SCOC: variants seen among roughly 807,000 people sequenced by gnomAD.
SCOC encodes short coiled-coil protein, also known as short coiled coil protein.
In SCOC, 7 loss-of-function variants were observed where a neutral mutation model predicts 9.9. That is an observed-to-expected ratio of 0.71 (90% CI 0.40 to 1.33). The LOEUF (loss-of-function observed/expected upper bound fraction) is 1.33, where lower values mean the gene tolerates loss of function less well. SCOC is among the 40% of genes most tolerant of loss of function. The pLI is 0.01. For missense variants in SCOC, 66 were observed against 89.7 expected (o/e 0.74, Z 1.07); for synonymous variants, 19 against 28.2 (o/e 0.67, Z 1.03).
chr4:140,343,543 C>A, intron 1 of SCOC: 1 of 887,760 alleles, frequency 1.1e-6, no homozygotes, highest in Non-Finnish European at 1.8e-6. Flanking sequence ...CTTGGAAGTT[C>A]ACTGATTAAT....
chr4:140,274,004 T>C (rs1231756169), intron 1 of SCOC, among the ~76,000 whole-genome samples: 1 of 152,374 alleles, frequency 6.6e-6, no homozygotes, highest in Admixed American at 6.5e-5. Flanking sequence ...TGCAGACATC[T>C]GTTTTCTATG....
At chr4:140,287,029 A>T (rs551634733) in intron 1 of SCOC, among the ~76,000 whole-genome samples, 1 of 151,756 alleles carries the variant, frequency 6.6e-6, no homozygotes. Flanking sequence ...TATACCACAC[A>T]TGTGTACACA....
chr4:140,371,121 G>A (rs1179925468), upstream of SCOC, among the ~76,000 whole-genome samples: 2 of 151,934 alleles, frequency 1.3e-5, no homozygotes, highest in African/African-American at 2.4e-5. Context: ...TCCTGACCTC[G>A]TGATCCACCC....
intron 1 of SCOC, among the ~76,000 whole-genome samples, chr4:140,321,389 A>G (rs966578687): frequency 1.7e-4 from 26 of 152,326 alleles, no homozygotes; most frequent in African/African-American, 6.0e-4. Flanking sequence ...GATTTATCAG[A>G]CAGGGAATTT....
chr4:140,270,137 T>A, intron 1 of SCOC, among the ~76,000 whole-genome samples: 1 of 152,172 alleles, frequency 6.6e-6, no homozygotes, highest in South Asian at 2.1e-4. Flanking sequence ...ATTGAGTGCC[T>A]GCTGCAAGCC....
chr4:140,329,012 A>G (rs1732731457), intron 1 of SCOC, among the ~76,000 whole-genome samples: 1 of 152,230 alleles, frequency 6.6e-6, no homozygotes, highest in African/African-American at 2.4e-5. Flanking sequence ...AGCAAAAACA[A>G]CAAATCTGAA....
At chr4:140,319,579 C>T (rs6849404) in intron 1 of SCOC, among the ~76,000 whole-genome samples, 5 of 152,044 alleles carry the variant, frequency 3.3e-5, no homozygotes, top group Admixed American at 3.3e-4. Flanking sequence ...TAGTGATTCT[C>T]AGTTCTAATT....
chr4:140,268,682 T>C (rs547836201), intron 1 of SCOC, among the ~76,000 whole-genome samples: 1 of 152,268 alleles, frequency 6.6e-6, no homozygotes, highest in Non-Finnish European at 1.5e-5. Flanking sequence ...AGTACAGCCC[T>C]GGAGACATGA....
chr4:140,283,680 C>T (rs1284069594), intron 1 of SCOC: 1 of 152,182 alleles, frequency 6.6e-6, no homozygotes, highest in African/African-American at 2.4e-5. Context: ...CGTATATGAC[C>T]TTCATGTGAA....
chr4:140,304,459 T>A (rs1021871685), intron 1 of SCOC, among the ~76,000 whole-genome samples: 5 of 151,120 alleles, frequency 3.3e-5, no homozygotes, highest in Non-Finnish European at 7.4e-5. Flanking sequence ...GACAGCAGAG[T>A]CTTGAGAAAT....
chr4:140,347,155 G>A (rs1205977312), intron 2 of SCOC, among the ~76,000 whole-genome samples: 1 of 152,060 alleles, frequency 6.6e-6, no homozygotes. Context: ...TTCAATTTAG[G>A]TACAGTAATT....
intron 1 of SCOC, among the ~76,000 whole-genome samples, chr4:140,260,723 G>A (rs62345647): frequency 1.4e-3 from 208 of 152,310 alleles, no homozygotes; most frequent in Non-Finnish European, 2.3e-3. Flanking sequence ...ACTCATTCTG[G>A]AGTGGGGACA....
intron 1 of SCOC, among the ~76,000 whole-genome samples, chr4:140,291,771 G>A (rs1014345706): frequency 3.9e-5 from 6 of 152,122 alleles, no homozygotes; most frequent in African/African-American, 1.4e-4. Context: ...CTCTATTGGG[G>A]GGGCTGTGAT....
chr4:140,370,034 T>G (rs1383020555), upstream of SCOC, among the ~76,000 whole-genome samples: 1 of 152,060 alleles, frequency 6.6e-6, no homozygotes, highest in African/African-American at 2.4e-5. Flanking sequence ...AGCTGAAAGC[T>G]GAGTCATGCA....
chr4:140,325,974 G>A lies in SCOC; in HGVS notation c.-18-17647G>A, dbSNP rs372759819. ...TGGAATAAGGAACTGTGATATATCC[G>A]TACAGTAGGCTATTGCTCAACAATA... On this transcript the variant is annotated intron_variant, in intron 1 of 4. Coordinates refer to the SCOC transcript ENST00000394205. 1.4e-3 allele frequency among the ~76,000 whole-genome samples: 216 copies of A among 152,236 alleles called. 4 individuals carry two copies. In the South Asian group the frequency reaches 0.042, roughly 29 times the overall value.
chr4:140,324,646 A>G (rs995397636), intron 1 of SCOC, among the ~76,000 whole-genome samples: 19 of 152,136 alleles, frequency 1.2e-4, no homozygotes, highest in Non-Finnish European at 2.4e-4. Flanking sequence ...TGCATGGTCT[A>G]TATGTTGAAA....
chr4:140,260,995 T>C (rs575665736), intron 1 of SCOC, among the ~76,000 whole-genome samples: 105 of 152,360 alleles, frequency 6.9e-4, no homozygotes, highest in African/African-American at 2.4e-3. Context: ...CTATGTTAAG[T>C]TGAACTCGAT....
At chr4:140,364,595 T>G (rs1727708660) in intron 2 of SCOC, among the ~76,000 whole-genome samples, 1 of 152,188 alleles carries the variant, frequency 6.6e-6, no homozygotes, top group Non-Finnish European at 1.5e-5. Flanking sequence ...TGATCAGGAC[T>G]GCCCTTATCT....
chr4:140,337,761 A>G (rs1307084501), intron 1 of SCOC, among the ~76,000 whole-genome samples: 1 of 152,220 alleles, frequency 6.6e-6, no homozygotes, highest in East Asian at 1.9e-4. Flanking sequence ...GAAGAAGTAG[A>G]ATCTCTGAAT....
Sources: allele counts gnomAD v4.1 joint callset (sites outside exome capture counted in the v4.1 genomes callset), GRCh38; gene constraint gnomAD v4.1.1; transcripts MANE v1.5; gene names NCBI Gene and HGNC (gene_info 2026-07-23, HGNC 2026-07-21).